The following PAQR3 variants were observed in gnomAD, a reference collection of about 807,000 sequenced individuals.
The protein encoded by PAQR3 is Raf kinase trapping to Golgi.
Under a neutral mutation model 41.7 loss-of-function variants are expected in PAQR3, and 39 were observed. The ratio of observed to expected loss-of-function variants is 0.93; its 90% CI spans 0.72 to 1.22. The LOEUF is 1.22. PAQR3 is among the 50% of genes most tolerant of loss of function. PAQR3 has a pLI of 0.00. For synonymous variants in PAQR3, 140 were observed against 140.6 expected (o/e 1.00, Z 0.03); for missense variants, 366 against 385.6 (o/e 0.95, Z 0.42).
intron 11 of PAQR3, among the ~76,000 whole-genome samples, chr4:78,905,818 T>C (rs1734254768): frequency 6.6e-6 from 1 of 152,028 alleles, no homozygotes; most frequent in Non-Finnish European, 1.5e-5. Flanking sequence ...TGAAATTTTT[T>C]TTTTTAAATT....
chr4:78,909,326 G>A (rs551744938), downstream of PAQR3, among the ~76,000 whole-genome samples: 9 of 151,412 alleles, frequency 5.9e-5, no homozygotes, highest in East Asian at 1.2e-3. Context: ...GTGAGCCACC[G>A]CACCCAGCCC....
At chr4:78,926,456 A>T in intron 4 of PAQR3, 65 bp downstream of exon 4, 1 of 1,416,494 alleles carries the variant, frequency 7.1e-7, no homozygotes, top group Non-Finnish European at 9.8e-7. Flanking sequence ...ATACTACTTT[A>T]CCCAAAAGGA....
intron 11 of PAQR3, among the ~76,000 whole-genome samples, chr4:78,905,147 AATTG>A (rs1316035494): frequency 2.6e-5 from 4 of 151,976 alleles, no homozygotes; most frequent in Admixed American, 6.6e-5. Context: ...GCTCTCAATT[AATTG>A]ATTAACCCTT....
intron 3 of PAQR3, among the ~76,000 whole-genome samples, chr4:78,929,342 AAAC>A (rs1182146627): frequency 6.6e-6 from 1 of 152,358 alleles, no homozygotes; most frequent in East Asian, 1.9e-4. Flanking sequence ...AACAGGAAGA[AAAC>A]AAAGTAGGGT....
chr4:78,905,916 A>G (rs1478725363), intron 11 of PAQR3, among the ~76,000 whole-genome samples: 1 of 152,070 alleles, frequency 6.6e-6, no homozygotes, highest in Non-Finnish European at 1.5e-5. Flanking sequence ...TGTGCATTGT[A>G]TAGTTATAAC....
rs772706357 is a variant in PAQR3 at position 78,922,450 on chromosome 4, T to C, written c.793+1407A>G. ...AACCCAGGAAGAAGAGGGGATAAAT[T>C]TGCAGTTTAGATTTAAACTGCTCCC... On this transcript the variant is annotated intron_variant, in intron 5 of 5. Coordinates refer to ENST00000512733, the MANE Select transcript of PAQR3 (RefSeq NM_001040202.2). 1.0e-5 allele frequency: 13 copies of C among 1,287,576 alleles called. No homozygotes were observed. The South Asian group carries it at 1.2e-4, about 12-fold the overall frequency. The allele number at this position is 1,287,576 out of a possible 1,614,324, so 79.8% of individuals were successfully genotyped here.
chr4:78,928,943 C>T (rs1454455121), intron 3 of PAQR3, among the ~76,000 whole-genome samples: 1 of 152,232 alleles, frequency 6.6e-6, no homozygotes, highest in African/African-American at 2.4e-5. Context: ...CAACCTAAAT[C>T]CTTTGCATGT....
chr4:78,923,474 C>A, intron 5 of PAQR3: 3 of 234,044 alleles, frequency 1.3e-5, no homozygotes, highest in South Asian at 1.2e-4. Flanking sequence ...TTGCTTATTT[C>A]TTGCTTTATA....
At chr4:78,923,804 T>C (rs1735903845) in intron 5 of PAQR3, 53 bp downstream of exon 5, 1 of 1,166,706 alleles carries the variant, frequency 8.6e-7, no homozygotes, top group East Asian at 2.3e-5. Context: ...TGCATATACC[T>C]TGGGCATATA....
rs748814026 is a variant in PAQR3, at chr4:78,930,218, T to C, written c.456A>G (p.Ile152Met). 6.2e-7 allele frequency: 1 copy of C among 1,613,648 alleles called. No homozygotes were observed. Among genetic ancestry groups the C allele is most frequent in the South Asian group, 1.1e-5 (1 of 90,956 alleles). The part of the protein sequence containing the change: ...ALDYAGISIG[I>M]LGCYVSGVFY... ...ATACTCCTGAGACATAGCAGCCCAG[T>C]ATTCCAATAGAAATTCCTGCATAAT... The change falls in exon 3 of 6, where the codon ATA (isoleucine) becomes ATG (methionine). Residue 152 changes from isoleucine (I) to methionine (M), a missense_variant. By Grantham distance (10) the Ile-to-Met change is conservative. Transcript: ENST00000512733.
rs994686406 is a variant in PAQR3, at chr4:78,915,530, G to T, written c.*5009C>A. 2 of 151,728 alleles carry T rather than the reference G, an allele frequency of 1.3e-5. No homozygotes were observed. Among genetic ancestry groups the T allele is most frequent in the Admixed American group, 6.6e-5 (1 of 15,202 alleles). The allele number at this position is 151,728 out of a possible 1,614,324, so 9.4% of individuals were successfully genotyped here. On this transcript the variant is annotated 3_prime_UTR_variant, in exon 6 of 6. Coordinates refer to ENST00000512733, the MANE Select transcript of PAQR3 (RefSeq NM_001040202.2). ...CCAATTATTGAGTTGACAGTCTACT[G>T]TGAGAATGAGATGACATATCTACTG...
At chr4:78,930,494 A>G (rs766831513) in intron 2 of PAQR3, 169 bp from the exon 3 acceptor site, 14 of 464,724 alleles carry the variant, frequency 3.0e-5, no homozygotes, top group Middle Eastern at 5.5e-4. Flanking sequence ...CTACATGTAG[A>G]GCCATGTAGA....
chr4:78,926,669 A>G lies in PAQR3; in HGVS notation c.554T>C (p.Val185Ala), dbSNP rs748445791. The change falls in exon 4 of 6, where the codon GTG becomes GCG. Residue 185 changes from valine to alanine, a missense_variant. Coordinates refer to ENST00000512733, the MANE Select transcript of PAQR3 (RefSeq NM_001040202.2). Reference sequence around the variant, plus strand: ...ATTGGGATGAATCTGCGCAAAGAACACTGCCAGGATCATAGCAAGCACTGT... The same window carrying G: ...ATTGGGATGAATCTGCGCAAAGAACGCTGCCAGGATCATAGCAAGCACTGT... ...LITVLAMILA[V>A]FFAQIHPNYL... 2 of 1,614,094 alleles carry G rather than the reference A, an allele frequency of 1.2e-6. No individual in the cohort carries two copies. The highest frequency in any genetic ancestry group is 2.2e-5 in the East Asian group (1 of 44,884).
intron 11 of PAQR3, among the ~76,000 whole-genome samples, chr4:78,902,139 T>A (rs769035213): frequency 2.6e-5 from 4 of 152,188 alleles, no homozygotes; most frequent in Non-Finnish European, 5.9e-5. Flanking sequence ...AGTTACGATA[T>A]ACTGAATTCC....
Position 78,915,966 on chromosome 4 carries a change from A to G in PAQR3, c.*4573T>C, listed in dbSNP as rs1398432756. 1.3e-5 allele frequency: 2 copies of G among 151,916 alleles called. No homozygotes were observed. The highest frequency in any genetic ancestry group is 2.4e-5 in the African/African-American group (1 of 41,420). 9.4% of individuals were successfully genotyped at this position (151,916 alleles called of 1,614,324 possible). On this transcript the variant is annotated 3_prime_UTR_variant, in exon 6 of 6. Transcript: ENST00000512733. ...GTGCACTTTCTTTGATTACACTTCC[A>G]TTTTTTGTTAAACTTGAATTTTCTG... is the stretch of plus-strand genomic sequence containing the variant.
chr4:78,912,684 T>G lies in PAQR3; in HGVS notation c.*7855A>C, dbSNP rs1734713558. 6.6e-6 allele frequency: 1 copy of G among 152,192 alleles called. No homozygotes were observed. The highest frequency in any genetic ancestry group is 6.5e-5 in the Admixed American group (1 of 15,274). The allele number at this position is 152,192 out of a possible 1,614,324, so 9.4% of individuals were successfully genotyped here. On this transcript the variant is annotated 3_prime_UTR_variant, in exon 6 of 6. Coordinates refer to ENST00000512733, the MANE Select transcript of PAQR3 (RefSeq NM_001040202.2). ...GCATATGAAATAATGTGTAATTAGC[T>G]CAATTTAACTATTCCACAACTTACA...
chr4:78,926,610 T>C lies in PAQR3; in HGVS notation c.613A>G (p.Ile205Val), dbSNP rs1211294296. 8.7e-6 allele frequency: 14 copies of C among 1,613,782 alleles called. No homozygotes were observed. Among genetic ancestry groups the C allele is most frequent in the Admixed American group, 8.3e-5 (5 of 59,976 alleles). Residue 205 changes from isoleucine (I) to valine (V), a missense_variant, in exon 4 of 6, where the codon ATC becomes GTC. Coordinates refer to ENST00000512733, the MANE Select transcript of PAQR3 (RefSeq NM_001040202.2). ...TATCCCGAAACAGAACAAAAGATGA[T>C]AGAACGGAGCCTTTGCCATTGCTGC... ...LTQQWQRLRS[I>V]IFCSVSGYGV...
chr4:78,939,024 G>A lies in PAQR3; in HGVS notation c.185+16C>T. ...GAGAGAAGGGGGCACTCCAGGCGGA[G>A]GCAGCCAGACCGTACCTTTTGATAC... On this transcript the variant is annotated intron_variant, in intron 1 of 5. Coordinates refer to ENST00000512733, the MANE Select transcript of PAQR3 (RefSeq NM_001040202.2). 1 of 1,572,996 alleles carries A rather than the reference G, an allele frequency of 6.4e-7. No homozygotes were observed. The highest frequency in any genetic ancestry group is 1.1e-5 in the South Asian group (1 of 88,386).
chr4:78,895,447 T>C (rs2033061), intron 11 of PAQR3, among the ~76,000 whole-genome samples: 20,438 of 152,092 alleles, frequency 0.13, 2,555 homozygotes, highest in African/African-American at 0.33. Flanking sequence ...GTGTTTTGAT[T>C]AAAGGTTGAA....
Sources: allele counts gnomAD v4.1 joint callset (sites outside exome capture counted in the v4.1 genomes callset), GRCh38; gene constraint gnomAD v4.1.1; transcripts MANE v1.5; gene names NCBI Gene and HGNC (gene_info 2026-07-23, HGNC 2026-07-21).